PRELID2: variants seen among roughly 807,000 people sequenced by gnomAD.
PRELID2 encodes PRELI domain-containing protein 2.
PRELID2 carries 25 observed loss-of-function variants against 28.4 expected under a neutral mutation model. That is an observed-to-expected ratio of 0.88 (90% confidence interval 0.64 to 1.23). The LOEUF is 1.23. Ranked by LOEUF, PRELID2 falls within the 50% of genes most tolerant of loss-of-function variation. The pLI is 0.00. For missense variants in PRELID2, 201 were observed against 214.4 expected, an observed-to-expected ratio of 0.94 and a Z score of 0.39; for synonymous variants, 76 against 71.6, an observed-to-expected ratio of 1.06 and a Z score of -0.31.
At chr5:145,446,240 T>C in the PRELID2 span, among the ~76,000 whole-genome samples, 2 of 152,024 alleles carry the variant, frequency 1.3e-5, no homozygotes, top group Admixed American at 6.6e-5. Flanking sequence ...ATGTACCCCA[T>C]CAATGTGTAC....
chr5:145,738,889 A>G (rs1756571351), intron 1 of PRELID2, among the ~76,000 whole-genome samples: 1 of 152,200 alleles, frequency 6.6e-6, no homozygotes, highest in Admixed American at 6.5e-5. Flanking sequence ...AACACATCAT[A>G]GTCAAACTTC....
the PRELID2 span, among the ~76,000 whole-genome samples, chr5:145,281,867 A>G: frequency 6.6e-6 from 1 of 152,218 alleles, no homozygotes; most frequent in Non-Finnish European, 1.5e-5. Context: ...TTTTAAGTCC[A>G]TTGGCTATGT....
At chr5:145,564,709 T>G (rs945092814) in intron 1 of PRELID2, among the ~76,000 whole-genome samples, 1 of 152,232 alleles carries the variant, frequency 6.6e-6, no homozygotes, top group African/African-American at 2.4e-5. Context: ...GAAACCCCAG[T>G]GCCCAGCATT....
chr5:145,415,517 G>A, the PRELID2 span, among the ~76,000 whole-genome samples: 4 of 144,642 alleles, frequency 2.8e-5, no homozygotes, highest in Admixed American at 7.3e-5. Context: ...ATCTATGAGC[G>A]AGAACATGCA....
downstream of PRELID2, among the ~76,000 whole-genome samples, chr5:145,754,532 AC>A (rs971677665): frequency 6.6e-6 from 1 of 152,200 alleles, no homozygotes; most frequent in African/African-American, 2.4e-5. Flanking sequence ...AATTTTTTTC[AC>A]CAAAATAAAC....
At chr5:145,564,972 G>A (rs998398907) in intron 1 of PRELID2, among the ~76,000 whole-genome samples, 4 of 152,112 alleles carry the variant, frequency 2.6e-5, no homozygotes, top group Non-Finnish European at 5.9e-5. Context: ...CTCACCCTCC[G>A]TGGGCTGCAC....
intron 1 of PRELID2, among the ~76,000 whole-genome samples, chr5:145,596,521 G>A (rs1753309230): frequency 6.6e-6 from 1 of 151,974 alleles, no homozygotes. Context: ...TGAAAACCAG[G>A]TTCTTGTTGT....
At chr5:145,725,433 T>G (rs1756118410) in intron 1 of PRELID2, among the ~76,000 whole-genome samples, 1 of 152,180 alleles carries the variant, frequency 6.6e-6, no homozygotes. Flanking sequence ...AGATAACAAA[T>G]GAGCACTACT....
At chr5:145,436,400 T>C in the PRELID2 span, among the ~76,000 whole-genome samples, 2 of 152,182 alleles carry the variant, frequency 1.3e-5, no homozygotes, top group African/African-American at 4.8e-5. Context: ...AACATATGCA[T>C]GCATATGTCT....
At chr5:145,358,910 A>C in the PRELID2 span, among the ~76,000 whole-genome samples, 6 of 152,332 alleles carry the variant, frequency 3.9e-5, no homozygotes, top group African/African-American at 1.4e-4. Context: ...ACAAGAAAAC[A>C]TTAAAGGATG....
At chr5:145,452,851 A>T in the PRELID2 span, among the ~76,000 whole-genome samples, 6 of 152,138 alleles carry the variant, frequency 3.9e-5, no homozygotes, top group Admixed American at 6.6e-5. Context: ...CAAACACATC[A>T]ATGCCATTGT....
At position 145,524,903 on chromosome 5, in the gene PRELID2, G is replaced by A. The variant is rs1033110213; in HGVS notation, n.71-51588C>T. Among the ~76,000 whole-genome samples, 4 of 152,288 alleles carry A rather than the reference G, an allele frequency of 2.6e-5. No individual in the cohort carries two copies. In the East Asian group the frequency reaches 7.7e-4, roughly 29 times the overall value. ...GTTTACTGTGAGACTAAGTGTCATA[G>A]TGCACATCGGACCCCTACCACGGCC... On this transcript the variant is annotated intron_variant and non_coding_transcript_variant, in intron 1 of 2. Coordinates refer to the PRELID2 transcript ENST00000510259.
At chr5:145,291,445 C>T in the PRELID2 span, among the ~76,000 whole-genome samples, 1 of 151,158 alleles carries the variant, frequency 6.6e-6, no homozygotes, top group East Asian at 1.9e-4. Flanking sequence ...TATGAAGGTT[C>T]CCAGGAGCTA....
the PRELID2 span, among the ~76,000 whole-genome samples, chr5:145,397,363 A>C: frequency 6.6e-6 from 1 of 152,148 alleles, no homozygotes; most frequent in African/African-American, 2.4e-5. Context: ...CGCCAAAAGA[A>C]ATAGCATGTT....
At chr5:145,700,382 T>G (rs79497853) in intron 1 of PRELID2, among the ~76,000 whole-genome samples, 8,735 of 152,136 alleles carry the variant, frequency 0.057, 343 homozygotes, top group East Asian at 0.18. Flanking sequence ...CCTAAATCCC[T>G]TTCCCCCCCA....
At chr5:145,424,492 C>T in the PRELID2 span, among the ~76,000 whole-genome samples, 4 of 152,150 alleles carry the variant, frequency 2.6e-5, no homozygotes, top group South Asian at 2.1e-4. Flanking sequence ...GGGAGTGACC[C>T]GATTTTCCAG....
rs141099556 is a variant in PRELID2, at chr5:145,576,849, G to T, written n.71-103534C>A. ...CTACAAATAAAATAGTAATGTTTGA[G>T]TTGATAGATATCCCAATTAACTTGA... On this transcript the variant is annotated intron_variant and non_coding_transcript_variant, in intron 1 of 2. Transcript: ENST00000510259. Among the ~76,000 whole-genome samples, 753 of 152,256 alleles carry T rather than the reference G, an allele frequency of 4.9e-3. 5 individuals carry two copies. Among genetic ancestry groups the T allele is most frequent in the Non-Finnish European group, 8.0e-3 (544 of 68,002 alleles).
At chr5:145,730,117 G>T (rs1202846181) in intron 1 of PRELID2, among the ~76,000 whole-genome samples, 1 of 152,056 alleles carries the variant, frequency 6.6e-6, no homozygotes, top group Non-Finnish European at 1.5e-5. Context: ...TTTAGATTAT[G>T]GTGCGTCAGG....
chr5:145,755,107 T>C (rs1353357559), downstream of PRELID2, among the ~76,000 whole-genome samples: 1 of 152,212 alleles, frequency 6.6e-6, no homozygotes, highest in African/African-American at 2.4e-5. Context: ...ATGGCTTTAT[T>C]AGTACAATCT....
Sources: gnomAD v4.1 joint callset for allele counts (sites outside exome capture counted in the v4.1 genomes callset) on GRCh38, gnomAD v4.1.1 for gene constraint, MANE v1.5 for transcripts, NCBI Gene and HGNC (gene_info 2026-07-23, HGNC 2026-07-21) for gene names.